FER: variants seen among roughly 807,000 people sequenced by gnomAD.
The protein encoded by FER is FER tyrosine kinase.
FER carries 63 observed loss-of-function variants against 111.0 expected under a neutral mutation model. The ratio of observed to expected loss-of-function variants is 0.57; its 90% CI spans 0.46 to 0.70. The LOEUF is 0.70. Among genes scored for constraint, FER ranks in the 30% least tolerant of loss-of-function variants. FER has a pLI of 0.00. For missense variants in FER, 914 were observed against 954.0 expected, an observed-to-expected ratio of 0.96 and a Z score of 0.55; for synonymous variants, 327 against 313.9, an observed-to-expected ratio of 1.04 and a Z score of -0.44.
At chr5:109,051,800 G>A in intron 16 of FER, 3 of 1,596,782 alleles carry the variant, frequency 1.9e-6, no homozygotes, top group Non-Finnish European at 2.6e-6. Context: ...TTCAAGGCCA[G>A]GGACACCAAG....
At chr5:109,121,866 T>A (rs1416624170) in intron 17 of FER, among the ~76,000 whole-genome samples, 1 of 152,136 alleles carries the variant, frequency 6.6e-6, no homozygotes, top group Non-Finnish European at 1.5e-5. Context: ...CTTCTAAGTT[T>A]TTAAATGTAT....
At chr5:108,987,090 T>A (rs548063798) in intron 13 of FER, among the ~76,000 whole-genome samples, 1 of 152,260 alleles carries the variant, frequency 6.6e-6, no homozygotes, top group South Asian at 2.1e-4. Flanking sequence ...TTGAGATGTG[T>A]TTCCATTTGT....
intron 17 of FER, among the ~76,000 whole-genome samples, chr5:109,178,359 C>T (rs1443763179): frequency 1.3e-5 from 2 of 152,124 alleles, no homozygotes; most frequent in Non-Finnish European, 1.5e-5. Flanking sequence ...CTCATAGAAC[C>T]GTGATTCTCA....
intron 2 of FER, among the ~76,000 whole-genome samples, chr5:108,782,444 A>T (rs994821333): frequency 2.0e-5 from 3 of 152,090 alleles, no homozygotes; most frequent in Non-Finnish European, 2.9e-5. Context: ...TATCTTGTTC[A>T]CATGAGCAAA....
chr5:108,924,889 A>G, intron 10 of FER: 1 of 931,972 alleles, frequency 1.1e-6, no homozygotes, highest in Non-Finnish European at 1.4e-6. Context: ...TTCAAATGGG[A>G]AGGATAATTT....
chr5:108,998,715 CAT>C (rs138079136), intron 13 of FER, among the ~76,000 whole-genome samples: 8,875 of 152,138 alleles, frequency 0.058, 388 homozygotes, highest in South Asian at 0.12. Flanking sequence ...TTGAGATAAA[CAT>C]GTGGTTTTTG....
intron 2 of FER, among the ~76,000 whole-genome samples, chr5:108,797,236 A>G (rs1756132240): frequency 6.6e-6 from 1 of 152,032 alleles, no homozygotes; most frequent in African/African-American, 2.4e-5. Context: ...CTGAGCTGGT[A>G]TCCAAGAGGC....
chr5:108,797,150 T>C (rs1451184642), intron 2 of FER, among the ~76,000 whole-genome samples: 1 of 151,884 alleles, frequency 6.6e-6, no homozygotes, highest in African/African-American at 2.4e-5. Context: ...GCCCAGGTTG[T>C]GTTTAGAAAT....
chr5:108,882,143 T>C (rs1341593062), intron 8 of FER, among the ~76,000 whole-genome samples: 3 of 152,126 alleles, frequency 2.0e-5, no homozygotes, highest in Non-Finnish European at 4.4e-5. Context: ...GGACAGACTT[T>C]GTGCATATTG....
chr5:109,016,832 G>A (rs1310517759), intron 13 of FER, among the ~76,000 whole-genome samples: 1 of 151,940 alleles, frequency 6.6e-6, no homozygotes, highest in East Asian at 1.9e-4. Flanking sequence ...TGTCTTTATA[G>A]GTAGGGCTTT....
chr5:109,106,493 T>G (rs1748951160), intron 17 of FER, among the ~76,000 whole-genome samples: 1 of 151,996 alleles, frequency 6.6e-6, no homozygotes, highest in Non-Finnish European at 1.5e-5. Flanking sequence ...GTTCTGACAT[T>G]TGATTTACAA....
At position 108,974,654 on chromosome 5, in the gene FER, C is replaced by A. The variant is rs1372305844; in HGVS notation, c.1656+15307C>A. ...AGGATTTTGTGATGGGGAGATAGTT[C>A]TGGATTATCCACATGGACCTCTTGT... On this transcript the variant is annotated intron_variant, in intron 13 of 19. Coordinates refer to ENST00000281092, the MANE Select transcript of FER (RefSeq NM_005246.4). 5.3e-5 allele frequency among the ~76,000 whole-genome samples: 8 copies of A among 152,178 alleles called. No homozygotes were observed. The East Asian group carries it at 1.5e-3, about 29-fold the overall frequency.
At chr5:108,850,530 A>T (rs1259761265) in intron 5 of FER, among the ~76,000 whole-genome samples, 1 of 152,164 alleles carries the variant, frequency 6.6e-6, no homozygotes, top group African/African-American at 2.4e-5. Flanking sequence ...CTCATGTGAA[A>T]TGAGAAAAAA....
intron 2 of FER, among the ~76,000 whole-genome samples, chr5:108,773,899 G>A (rs6594337): frequency 0.084 from 12,728 of 152,226 alleles, 673 homozygotes; most frequent in African/African-American, 0.14. Flanking sequence ...TGACTGGTGT[G>A]AGATGGTATC....
intron 13 of FER, among the ~76,000 whole-genome samples, chr5:109,015,930 A>T (rs1203391531): frequency 6.6e-6 from 1 of 151,860 alleles, no homozygotes. Context: ...ATTGCATCTC[A>T]GATTTACCTT....
intron 10 of FER, among the ~76,000 whole-genome samples, chr5:108,915,461 C>G (rs1752143468): frequency 6.6e-6 from 1 of 151,936 alleles, no homozygotes; most frequent in Non-Finnish European, 1.5e-5. Context: ...CATCTCAAAA[C>G]AAAAACAAAA....
intron 13 of FER, among the ~76,000 whole-genome samples, chr5:109,035,033 CTTTTT>C (rs554716544): frequency 4.2e-5 from 5 of 119,666 alleles, no homozygotes; most frequent in Admixed American, 1.7e-4. Context: ...AGAAATTGAA[CTTTTT>C]TTTTTTTTTT....
intron 16 of FER, among the ~76,000 whole-genome samples, chr5:109,056,545 G>T (rs1315911458): frequency 6.6e-6 from 1 of 152,026 alleles, no homozygotes; most frequent in African/African-American, 2.4e-5. Context: ...GAATGAAACG[G>T]GTCACTAGGG....
chr5:108,784,897 C>T (rs1407442845), intron 2 of FER: 1 of 161,954 alleles, frequency 6.2e-6, no homozygotes, highest in Non-Finnish European at 1.3e-5. Flanking sequence ...AAACTGACAG[C>T]CTTATAGCAT....
Sources: gnomAD v4.1 joint callset for allele counts (sites outside exome capture counted in the v4.1 genomes callset) on GRCh38, gnomAD v4.1.1 for gene constraint, MANE v1.5 for transcripts, NCBI Gene and HGNC (gene_info 2026-07-23, HGNC 2026-07-21) for gene names.